Variants in PLEKHG1 observed in about 807,000 individuals in gnomAD.
PLEKHG1 encodes the protein pleckstrin homology and RhoGEF domain containing G1.
PLEKHG1 carries 44 observed loss-of-function variants against 100.8 expected under a neutral mutation model. The observed-to-expected ratio is 0.44, with a 90% CI of 0.34 to 0.56. The LOEUF (loss-of-function observed/expected upper bound fraction) is 0.56, where lower values mean the gene tolerates loss of function less well. PLEKHG1 is among the 20% of genes least tolerant of loss of function. The pLI is 0.01. For synonymous variants in PLEKHG1, 640 were observed against 662.5 expected (o/e 0.97, Z 0.52); for missense variants, 1,545 against 1,720.9 (o/e 0.90, Z 1.81).
intron 1 of PLEKHG1, among the ~76,000 whole-genome samples, chr6:150,733,217 T>C (rs1340542478): frequency 1.3e-5 from 2 of 152,006 alleles, no homozygotes; most frequent in Non-Finnish European, 2.9e-5. Flanking sequence ...GCTCAGCCTT[T>C]AATTTAGTGA....
chr6:150,759,928 C>T (rs1281870664), intron 2 of PLEKHG1, among the ~76,000 whole-genome samples: 1 of 152,028 alleles, frequency 6.6e-6, no homozygotes, highest in Non-Finnish European at 1.5e-5. Flanking sequence ...GGCAGGATTT[C>T]CAGGTTGCAG....
chr6:150,725,189 A>G (rs1461785914), intron 1 of PLEKHG1, among the ~76,000 whole-genome samples: 2 of 152,146 alleles, frequency 1.3e-5, no homozygotes, highest in Admixed American at 6.6e-5. Flanking sequence ...GTATCCTCAC[A>G]TGGCAGAAGG....
In PLEKHG1 at chr6:150,690,316, A is replaced by T. The variant is rs1291762601; in HGVS notation, c.-99+39530A>T. 7.9e-5 allele frequency among the ~76,000 whole-genome samples: 12 copies of T among 151,844 alleles called. No homozygotes were observed. In the East Asian group the frequency reaches 2.3e-3, roughly 30 times the overall value. On this transcript the variant is annotated intron_variant, in intron 3 of 3. Coordinates refer to the PLEKHG1 transcript ENST00000367326. The stretch of plus-strand genomic sequence containing the variant: ...GGGATCCTGGTGCGCCCATCACCCA[A>T]GCAGCATACACTGCACCACATCTTG...
chr6:150,748,153 C>G (rs1408311660), intron 2 of PLEKHG1, among the ~76,000 whole-genome samples: 1 of 152,222 alleles, frequency 6.6e-6, no homozygotes, highest in African/African-American at 2.4e-5. Flanking sequence ...CTTGTTGTGA[C>G]TAGCTTACTT....
intron 2 of PLEKHG1, among the ~76,000 whole-genome samples, chr6:150,644,687 AT>A (rs1389092256): frequency 6.6e-6 from 1 of 151,974 alleles, no homozygotes; most frequent in Non-Finnish European, 1.5e-5. Context: ...TTCCAAATAT[AT>A]TTTTTTAAGT....
chr6:150,781,938 ATT>A (rs575472001), intron 3 of PLEKHG1, among the ~76,000 whole-genome samples: 3 of 143,562 alleles, frequency 2.1e-5, no homozygotes, highest in African/African-American at 2.5e-5. Context: ...CGCCCGGCTA[ATT>A]TTTTTTTTTT....
At chr6:150,758,991 C>A (rs528638287) in intron 2 of PLEKHG1, among the ~76,000 whole-genome samples, 1 of 152,314 alleles carries the variant, frequency 6.6e-6, no homozygotes, top group East Asian at 1.9e-4. Context: ...GAGAGCTGAT[C>A]GAATGCGTCT....
chr6:150,808,600 A>C (rs1344536634), intron 7 of PLEKHG1, among the ~76,000 whole-genome samples: 1 of 152,080 alleles, frequency 6.6e-6, no homozygotes, highest in Admixed American at 6.5e-5. Flanking sequence ...AAATGCAAAA[A>C]AATTTAGCCA....
chr6:150,790,459 C>G (rs1785901877), intron 4 of PLEKHG1, among the ~76,000 whole-genome samples: 1 of 152,156 alleles, frequency 6.6e-6, no homozygotes, highest in South Asian at 2.1e-4. Context: ...ACACTCATAA[C>G]TGTAGGAAAA....
In PLEKHG1 at chr6:150,650,476, A is replaced by G. The variant is rs144456534; in HGVS notation, c.-157-252A>G. 4.3e-3 allele frequency among the ~76,000 whole-genome samples: 660 copies of G among 152,358 alleles called. 3 individuals carry two copies. The highest frequency in any genetic ancestry group is 0.014 in the African/African-American group (574 of 41,572). On this transcript the variant is annotated intron_variant, in intron 2 of 3. Coordinates refer to the PLEKHG1 transcript ENST00000367326. ...GGAAAATCAAGGATGATAGGACTTCAGTAACTTTCTAATACCACATCCTGT... is the reference window on the plus strand; with the variant it reads ...GGAAAATCAAGGATGATAGGACTTCGGTAACTTTCTAATACCACATCCTGT...
intron 3 of PLEKHG1, among the ~76,000 whole-genome samples, chr6:150,781,020 T>C (rs1785280772): frequency 6.6e-6 from 1 of 151,504 alleles, no homozygotes; most frequent in Non-Finnish European, 1.5e-5. Flanking sequence ...ATTACAAGCA[T>C]GCGCCACCAC....
intron 14 of PLEKHG1, among the ~76,000 whole-genome samples, chr6:150,827,341 A>G (rs1583208096): frequency 1.3e-5 from 2 of 150,496 alleles, no homozygotes; most frequent in Admixed American, 6.6e-5. Flanking sequence ...GCAGTGGCAC[A>G]ATCTCGGCTC....
At chr6:150,673,385 G>A (rs955811925) in intron 3 of PLEKHG1, among the ~76,000 whole-genome samples, 1 of 152,196 alleles carries the variant, frequency 6.6e-6, no homozygotes, top group African/African-American at 2.4e-5. Context: ...GACATGGAAG[G>A]ATCCCCAGGT....
At chr6:150,647,950 G>A (rs1332328243) in intron 2 of PLEKHG1, among the ~76,000 whole-genome samples, 1 of 151,842 alleles carries the variant, frequency 6.6e-6, no homozygotes, top group African/African-American at 2.4e-5. Context: ...ACCTCATATT[G>A]AATTTCCTGA....
intron 2 of PLEKHG1, among the ~76,000 whole-genome samples, chr6:150,742,888 T>C (rs1004346170): frequency 6.6e-6 from 1 of 152,176 alleles, no homozygotes; most frequent in Admixed American, 6.5e-5. Context: ...GGACCCAGGC[T>C]GAGGAGGCCT....
At chr6:150,842,866 A>C (rs914349217) in exon 16 of PLEKHG1, 1 of 152,132 alleles carries the variant, frequency 6.6e-6, no homozygotes, top group Non-Finnish European at 1.5e-5. Context: ...GGCGCCCGCC[A>C]CCACACCTGG....
chr6:150,814,816 G>A (rs930791492), intron 10 of PLEKHG1, among the ~76,000 whole-genome samples: 1 of 152,190 alleles, frequency 6.6e-6, no homozygotes, highest in Non-Finnish European at 1.5e-5. Context: ...CACCTTCTGG[G>A]TTCAAGTATT....
At chr6:150,789,791 A>T (rs2128654993) in intron 4 of PLEKHG1, among the ~76,000 whole-genome samples, 1 of 152,292 alleles carries the variant, frequency 6.6e-6, no homozygotes, top group Non-Finnish European at 1.5e-5. Context: ...CCCATTTGGT[A>T]CATTAACTTG....
intron 2 of PLEKHG1, among the ~76,000 whole-genome samples, chr6:150,739,498 T>C (rs534703311): frequency 2.0e-5 from 3 of 152,086 alleles, no homozygotes; most frequent in African/African-American, 7.2e-5. Flanking sequence ...TGAAACTCCA[T>C]CTCTACTAAA....
Sources: gnomAD v4.1 joint callset for allele counts (sites outside exome capture counted in the v4.1 genomes callset) on GRCh38, gnomAD v4.1.1 for gene constraint, MANE v1.5 for transcripts, NCBI Gene and HGNC (gene_info 2026-07-23, HGNC 2026-07-21) for gene names.